The following PLD5 variants were observed in gnomAD, a reference collection of about 807,000 sequenced individuals.
PLD5 encodes the protein phospholipase D family member 5, also known as inactive phospholipase D5.
A neutral mutation model predicts 61.1 loss-of-function variants in PLD5; 36 were observed. That is an observed-to-expected ratio of 0.59 (90% CI 0.45 to 0.78). The LOEUF is 0.78. Ranked by LOEUF, PLD5 falls within the 30% of genes least tolerant of loss-of-function variation. The probability of loss-of-function intolerance (pLI) is 0.00; values close to 1 mark genes in which losing one functional copy is unlikely to be tolerated. For missense variants in PLD5, 515 were observed against 644.4 expected (o/e 0.80, Z 2.17); for synonymous variants, 243 against 242.8 (o/e 1.00, Z -0.01).
At chr1:242,360,582 A>G (rs150131810) in intron 1 of PLD5, among the ~76,000 whole-genome samples, 3,223 of 152,222 alleles carry the variant, frequency 0.021, 48 homozygotes, top group East Asian at 0.033. Flanking sequence ...GTTCTTTCCT[A>G]TATTCCATCT....
chr1:242,251,559 C>T (rs780394710), intron 4 of PLD5, among the ~76,000 whole-genome samples: 2 of 152,016 alleles, frequency 1.3e-5, no homozygotes, highest in Admixed American at 1.3e-4. Context: ...AGGGCAGAGC[C>T]GGGCTGCCGC....
At chr1:242,174,645 A>C (rs1409250869) in intron 5 of PLD5, among the ~76,000 whole-genome samples, 1 of 152,256 alleles carries the variant, frequency 6.6e-6, no homozygotes, top group Non-Finnish European at 1.5e-5. Context: ...ACTTGGAACC[A>C]ACCCAAATGT....
intron 5 of PLD5, among the ~76,000 whole-genome samples, chr1:242,198,451 G>GTT (rs11407961): frequency 9.9e-5 from 15 of 151,012 alleles, no homozygotes; most frequent in African/African-American, 2.7e-4. Flanking sequence ...AACTGAAATT[G>GTT]TTTTTTTTTA....
chr1:242,159,472 T>C (rs1267342980), intron 5 of PLD5, among the ~76,000 whole-genome samples: 3 of 152,152 alleles, frequency 2.0e-5, no homozygotes, highest in Admixed American at 1.3e-4. Flanking sequence ...GAAAATGCTA[T>C]GAATTTGTTA....
intron 5 of PLD5, among the ~76,000 whole-genome samples, chr1:242,139,879 A>C (rs1030896500): frequency 6.6e-6 from 1 of 152,162 alleles, no homozygotes; most frequent in Non-Finnish European, 1.5e-5. Context: ...TTGGCCAGGG[A>C]TGCTACAGAG....
intron 5 of PLD5, among the ~76,000 whole-genome samples, chr1:242,126,008 A>G (rs182984674): frequency 4.6e-5 from 7 of 152,328 alleles, no homozygotes; most frequent in Non-Finnish European, 8.8e-5. Context: ...CGCCTTTAAT[A>G]TAGATTCCTA....
At chr1:242,370,167 G>A (rs1351250537) in intron 1 of PLD5, among the ~76,000 whole-genome samples, 1 of 152,188 alleles carries the variant, frequency 6.6e-6, no homozygotes, top group Non-Finnish European at 1.5e-5. Flanking sequence ...TCTGTGACTT[G>A]AAGTCAAGCA....
chr1:242,392,309 C>G (rs746250018), intron 1 of PLD5, among the ~76,000 whole-genome samples: 1 of 152,078 alleles, frequency 6.6e-6, no homozygotes, highest in Admixed American at 6.5e-5. Context: ...TGGAGTACTA[C>G]GTTCACTACC....
intron 6 of PLD5, among the ~76,000 whole-genome samples, chr1:242,119,217 C>T (rs1662182603): frequency 6.6e-6 from 1 of 151,988 alleles, no homozygotes; most frequent in South Asian, 2.1e-4. Flanking sequence ...CTTGTACAGA[C>T]CTTAGCAGGT....
chr1:242,238,671 T>C (rs1444882574), intron 4 of PLD5, among the ~76,000 whole-genome samples: 1 of 152,194 alleles, frequency 6.6e-6, no homozygotes. Flanking sequence ...GAGAGTTCTC[T>C]GGGGGAAATG....
chr1:242,191,558 C>T (rs917687185), intron 5 of PLD5, among the ~76,000 whole-genome samples: 1 of 151,836 alleles, frequency 6.6e-6, no homozygotes, highest in Admixed American at 6.6e-5. Flanking sequence ...TGCACTCCAG[C>T]CTGGGCAATG....
At chr1:242,115,978 C>T (rs1044902583) in intron 6 of PLD5, among the ~76,000 whole-genome samples, 3 of 152,114 alleles carry the variant, frequency 2.0e-5, no homozygotes, top group Non-Finnish European at 4.4e-5. Flanking sequence ...ATTATTTTTC[C>T]ACTGGACAGG....
At chr1:242,470,393 AAG>A (rs1258740985) in intron 1 of PLD5, among the ~76,000 whole-genome samples, 3 of 151,446 alleles carry the variant, frequency 2.0e-5, no homozygotes, top group African/African-American at 7.3e-5. Context: ...AAAAGAAAGA[AAG>A]AAAATTGGGA....
At chr1:242,160,987 A>C (rs996676647) in intron 5 of PLD5, among the ~76,000 whole-genome samples, 21 of 145,120 alleles carry the variant, frequency 1.4e-4, no homozygotes, top group African/African-American at 5.5e-4. Flanking sequence ...AAAAGTAAAC[A>C]ATGGCAGCAT....
chr1:242,096,178 T>C (rs1488933778), intron 9 of PLD5, among the ~76,000 whole-genome samples: 1 of 152,130 alleles, frequency 6.6e-6, no homozygotes, highest in African/African-American at 2.4e-5. Flanking sequence ...CAGGATGGTC[T>C]CAATCTCTTG....
chr1:242,192,658 T>C (rs918527829), intron 5 of PLD5, among the ~76,000 whole-genome samples: 2 of 152,304 alleles, frequency 1.3e-5, no homozygotes, highest in East Asian at 1.9e-4. Context: ...GTTTTAACTC[T>C]AGATCATGTA....
At chr1:242,511,215 C>G (rs886810168) in intron 1 of PLD5, among the ~76,000 whole-genome samples, 1 of 152,032 alleles carries the variant, frequency 6.6e-6, no homozygotes, top group Non-Finnish European at 1.5e-5. Flanking sequence ...ATTTTACCCA[C>G]AACATAAGAT....
chr1:242,449,388 T>C, intron 1 of PLD5: 1 of 1,536,022 alleles, frequency 6.5e-7, no homozygotes, highest in Non-Finnish European at 8.7e-7. Context: ...CCCTGCGGAG[T>C]CCAGCAGCCA....
intron 1 of PLD5, among the ~76,000 whole-genome samples, chr1:242,444,726 A>AAATTT (rs1558572537): frequency 1.6e-5 from 1 of 62,618 alleles, no homozygotes; most frequent in Non-Finnish European, 2.7e-5. Context: ...AAAATAATAT[A>AAATTT]TATATTATTT....
Sources: allele counts gnomAD v4.1 joint callset (sites outside exome capture counted in the v4.1 genomes callset), GRCh38; gene constraint gnomAD v4.1.1; transcripts MANE v1.5; gene names NCBI Gene and HGNC (gene_info 2026-07-23, HGNC 2026-07-21).